The following MSH3 variants were observed in gnomAD, a reference collection of about 807,000 sequenced individuals.
MSH3 encodes the protein mutS homolog 3.
Under a neutral mutation model 123.3 loss-of-function variants are expected in MSH3, and 106 were observed. The ratio of observed to expected loss-of-function variants is 0.86; its 90% confidence interval spans 0.73 to 1.01. The LOEUF is 1.01. MSH3 is among the 50% of genes least tolerant of loss of function. The probability of loss-of-function intolerance (pLI) is 0.00; values close to 1 mark genes in which losing one functional copy is unlikely to be tolerated. For synonymous variants in MSH3, 515 were observed against 481.4 expected (o/e 1.07, Z -0.91); for missense variants, 1,459 against 1,347.6 (o/e 1.08, Z -1.29).
At chr5:80,691,552 A>AT (rs1283786896) in intron 8 of MSH3, among the ~76,000 whole-genome samples, 1 of 150,720 alleles carries the variant, frequency 6.6e-6, no homozygotes, top group Admixed American at 6.6e-5. Context: ...TTAAATAACA[A>AT]TTTTGTGAGT....
intron 20 of MSH3, among the ~76,000 whole-genome samples, chr5:80,833,645 G>A (rs1203437492): frequency 6.6e-6 from 1 of 152,172 alleles, no homozygotes; most frequent in South Asian, 2.1e-4. Context: ...GTTTCACCAT[G>A]TTGGCCAGGA....
chr5:80,697,309 T>C (rs555775058), intron 8 of MSH3, among the ~76,000 whole-genome samples: 1 of 152,330 alleles, frequency 6.6e-6, no homozygotes, highest in African/African-American at 2.4e-5. Flanking sequence ...TTATACAAGG[T>C]GTTGGCAGCT....
intron 8 of MSH3, among the ~76,000 whole-genome samples, chr5:80,688,141 T>C (rs1266956381): frequency 2.0e-5 from 3 of 152,218 alleles, no homozygotes; most frequent in Admixed American, 2.0e-4. Context: ...CTCATTGATA[T>C]CATTTGAAAA....
intron 22 of MSH3, among the ~76,000 whole-genome samples, chr5:80,871,838 C>T (rs1746219728): frequency 6.6e-6 from 1 of 152,104 alleles, no homozygotes; most frequent in South Asian, 2.1e-4. Context: ...AGCACGTGAA[C>T]ACCAGCAGGC....
intron 3 of MSH3, among the ~76,000 whole-genome samples, chr5:80,666,388 T>G (rs769397761): frequency 2.6e-5 from 4 of 152,184 alleles, no homozygotes; most frequent in Non-Finnish European, 2.9e-5. Flanking sequence ...TTTCAAGATT[T>G]CACACCTTTC....
chr5:80,691,068 C>G (rs994678831), intron 8 of MSH3, among the ~76,000 whole-genome samples: 5 of 151,686 alleles, frequency 3.3e-5, no homozygotes, highest in African/African-American at 1.2e-4. Context: ...ATTCTTATTA[C>G]CTGAAACTGA....
At chr5:80,782,381 G>A (rs1214589022) in intron 17 of MSH3, among the ~76,000 whole-genome samples, 2 of 151,856 alleles carry the variant, frequency 1.3e-5, no homozygotes, top group East Asian at 1.9e-4. Context: ...TATTATTTCT[G>A]AAACAGTACA....
At position 80,685,178 on chromosome 5, in the gene MSH3, A is replaced by G. The variant is rs187220388; in HGVS notation, c.1340+6085A>G. On this transcript the variant is annotated intron_variant, in intron 8 of 23. Transcript: ENST00000265081. Reference sequence around the variant, plus strand: ...GGTATCAGGGTAATACTGGCCTCGTAGAATGAGTTTGGAAGTATTCTCCTT... The same window carrying G: ...GGTATCAGGGTAATACTGGCCTCGTGGAATGAGTTTGGAAGTATTCTCCTT... 2.4e-4 allele frequency among the ~76,000 whole-genome samples: 35 copies of G among 148,076 alleles called. 1 individual carries two copies. The highest frequency in any genetic ancestry group is 1.8e-4 in the Non-Finnish European group (12 of 67,284).
chr5:80,865,615 A>G (rs1358791629), intron 22 of MSH3, among the ~76,000 whole-genome samples: 1 of 152,234 alleles, frequency 6.6e-6, no homozygotes, highest in African/African-American at 2.4e-5. Flanking sequence ...ACCGTTAGCC[A>G]ATAGCAATAC....
chr5:80,725,625 T>C, intron 9 of MSH3, 60 bp downstream of exon 9: 2 of 1,154,446 alleles, frequency 1.7e-6, no homozygotes, highest in South Asian at 2.5e-5. Flanking sequence ...ATAAAGGTAT[T>C]AGTATGATTC....
intron 20 of MSH3, among the ~76,000 whole-genome samples, chr5:80,826,496 CAAG>C (rs1432229416): frequency 2.0e-5 from 3 of 150,462 alleles, no homozygotes; most frequent in Non-Finnish European, 4.4e-5. Flanking sequence ...ATACAGTGTG[CAAG>C]AAGAAGAAGT....
intron 15 of MSH3, among the ~76,000 whole-genome samples, chr5:80,770,173 A>C (rs1237528476): frequency 6.6e-6 from 1 of 152,198 alleles, no homozygotes; most frequent in East Asian, 1.9e-4. Context: ...CCTAAAGGCC[A>C]CTATTCTGGC....
chr5:80,771,303 G>A (rs1204215422), intron 15 of MSH3, among the ~76,000 whole-genome samples: 1 of 152,030 alleles, frequency 6.6e-6, no homozygotes, highest in Non-Finnish European at 1.5e-5. Flanking sequence ...GGGCAACATA[G>A]CGAGACACCA....
intron 10 of MSH3, among the ~76,000 whole-genome samples, chr5:80,732,141 A>C (rs1162810162): frequency 6.6e-6 from 1 of 152,190 alleles, no homozygotes; most frequent in African/African-American, 2.4e-5. Context: ...TCAAAGAAAA[A>C]TAGTGTAACA....
At chr5:80,657,299 G>A (rs1749315616) in intron 2 of MSH3, among the ~76,000 whole-genome samples, 1 of 152,156 alleles carries the variant, frequency 6.6e-6, no homozygotes, top group Admixed American at 6.5e-5. Flanking sequence ...AAATTAGTTG[G>A]GCGTGCTGGT....
chr5:80,682,360 C>T (rs556351377), intron 8 of MSH3, among the ~76,000 whole-genome samples: 2 of 152,016 alleles, frequency 1.3e-5, no homozygotes, highest in African/African-American at 4.8e-5. Context: ...ATAGGTAAAG[C>T]GCCTGAAATA....
At chr5:80,703,294 G>T (rs1324752873) in intron 8 of MSH3, among the ~76,000 whole-genome samples, 2 of 152,180 alleles carry the variant, frequency 1.3e-5, no homozygotes, top group African/African-American at 4.8e-5. Flanking sequence ...ATTTATGTAT[G>T]AATTACCTTA....
intron 8 of MSH3, among the ~76,000 whole-genome samples, chr5:80,697,856 A>G (rs1324526241): frequency 6.6e-6 from 1 of 152,196 alleles, no homozygotes; most frequent in Non-Finnish European, 1.5e-5. Context: ...AGTTTATTTT[A>G]TTAAATTGGA....
chr5:80,684,459 A>G (rs1210202325), intron 8 of MSH3, among the ~76,000 whole-genome samples: 1 of 151,588 alleles, frequency 6.6e-6, no homozygotes, highest in South Asian at 2.1e-4. Context: ...TACTTTTTTG[A>G]TTTCTTTTTC....
Sources: allele counts gnomAD v4.1 joint callset (sites outside exome capture counted in the v4.1 genomes callset), GRCh38; gene constraint gnomAD v4.1.1; transcripts MANE v1.5; gene names NCBI Gene and HGNC (gene_info 2026-07-23, HGNC 2026-07-21).